ATP6V1A: variants seen among roughly 807,000 people sequenced by gnomAD.
ATP6V1A encodes ATPase H+ transporting V1 subunit A.
Under a neutral mutation model 70.1 loss-of-function variants are expected in ATP6V1A, and 18 were observed. The ratio of observed to expected loss-of-function variants is 0.26; its 90% CI spans 0.18 to 0.38. The LOEUF (loss-of-function observed/expected upper bound fraction) is 0.38, where lower values mean the gene tolerates loss of function less well. Among genes scored for constraint, ATP6V1A ranks in the 10% least tolerant of loss-of-function variants. The pLI is 1.00. For missense variants in ATP6V1A, 424 were observed against 772.4 expected, an observed-to-expected ratio of 0.55 and a Z score of 5.35; for synonymous variants, 232 against 253.8, an observed-to-expected ratio of 0.91 and a Z score of 0.82.
chr3:113,800,043 C>T (rs747700567), intron 12 of ATP6V1A, among the ~76,000 whole-genome samples: 3 of 151,992 alleles, frequency 2.0e-5, no homozygotes, highest in Non-Finnish European at 4.4e-5. Context: ...CCAGCCTGGC[C>T]AGCATGGTGA....
intron 1 of ATP6V1A, among the ~76,000 whole-genome samples, chr3:113,760,101 C>T (rs1196356281): frequency 6.6e-6 from 1 of 152,232 alleles, no homozygotes; most frequent in Non-Finnish European, 1.5e-5. Context: ...CTCCCCACAA[C>T]TAGTTTAGTT....
chr3:113,789,710 CTAA>C lies in ATP6V1A; in HGVS notation c.880-19_880-17del. 1 of 1,526,804 alleles carries C rather than the reference CTAA, an allele frequency of 6.5e-7. No individual in the cohort carries two copies. The highest frequency in any genetic ancestry group is 9.0e-7 in the Non-Finnish European group (1 of 1,105,048). 94.6% of individuals were successfully genotyped at this position (1,526,804 alleles called of 1,614,324 possible). Reference sequence around the variant, plus strand: ...TGTTACCTTAGAAATTGGAGATTCACTAATATATATTTTACCTCTAGCTCACAA... The same window carrying C: ...TGTTACCTTAGAAATTGGAGATTCACTATATATTTTACCTCTAGCTCACAA... On this transcript the variant is annotated intron_variant, in intron 7 of 14. Coordinates refer to ENST00000273398, the MANE Select transcript of ATP6V1A (RefSeq NM_001690.4).
At chr3:113,751,914 T>C (rs934407924) in intron 1 of ATP6V1A, among the ~76,000 whole-genome samples, 1 of 151,882 alleles carries the variant, frequency 6.6e-6, no homozygotes, top group Non-Finnish European at 1.5e-5. Context: ...CAACTGTGAT[T>C]AGCTGTTTTT....
At chr3:113,758,480 A>G (rs1409427071) in intron 1 of ATP6V1A, among the ~76,000 whole-genome samples, 3 of 130,348 alleles carry the variant, frequency 2.3e-5, no homozygotes, top group Admixed American at 7.3e-5. Flanking sequence ...ATTTTCTATC[A>G]TTATAGTTAG....
chr3:113,770,377 G>A (rs1708822240), intron 1 of ATP6V1A, among the ~76,000 whole-genome samples: 1 of 151,254 alleles, frequency 6.6e-6, no homozygotes, highest in South Asian at 2.1e-4. Flanking sequence ...AAATGTTGGA[G>A]AACAACAATA....
chr3:113,803,738 G>A (rs563120471), intron 13 of ATP6V1A, 61 bp downstream of exon 13: 393 of 1,362,510 alleles, frequency 2.9e-4, no homozygotes, highest in Non-Finnish European at 3.9e-4. Flanking sequence ...TGGTGAAGGA[G>A]TACACATTAA....
At position 113,764,251 on chromosome 3, in the gene ATP6V1A, A is replaced by T. The variant is rs1012954428; in HGVS notation, c.-13-14490A>T. On this transcript the variant is annotated intron_variant, in intron 1 of 14. Coordinates refer to ENST00000273398, the MANE Select transcript of ATP6V1A (RefSeq NM_001690.4). ...TTGTCTCAAAAAAAAAAGAAAAAAA[A>T]GTATATTAGCAAAATGTTAATAACA... 9.5e-4 allele frequency among the ~76,000 whole-genome samples: 144 copies of T among 152,246 alleles called. 2 individuals are homozygous for T. Among genetic ancestry groups the T allele is most frequent in the East Asian group, 3.9e-4 (2 of 5,186 alleles).
chr3:113,789,907 T>C (rs1709073819), intron 8 of ATP6V1A, 67 bp downstream of exon 8: 2 of 1,193,724 alleles, frequency 1.7e-6, no homozygotes, highest in African/African-American at 1.5e-5. Flanking sequence ...CACCAAACTT[T>C]TCTAAAGAGC....
intron 8 of ATP6V1A, among the ~76,000 whole-genome samples, chr3:113,790,302 CAAAAAAAAAAAAAA>C (rs773821991): frequency 4.1e-5 from 1 of 24,508 alleles, no homozygotes; most frequent in African/African-American, 1.4e-4. Context: ...GACTCTGTCT[CAAAAAAAAAAAAAA>C]AAAAAAAAAA....
At chr3:113,785,613 G>A (rs952793308) in intron 5 of ATP6V1A, among the ~76,000 whole-genome samples, 4 of 145,740 alleles carry the variant, frequency 2.7e-5, no homozygotes, top group African/African-American at 7.6e-5. Context: ...GGCTCAAGCA[G>A]TTCTATCACC....
rs1050606907 is a variant in ATP6V1A, at chr3:113,811,745, C to T, written c.*2318C>T. 6.6e-6 allele frequency: 1 copy of T among 152,546 alleles called. No homozygotes were observed. Among genetic ancestry groups the T allele is most frequent in the Non-Finnish European group, 1.5e-5 (1 of 68,018 alleles). The allele number at this position is 152,546 out of a possible 1,614,324, so 9.4% of individuals were successfully genotyped here. On this transcript the variant is annotated 3_prime_UTR_variant, in exon 15 of 15. Transcript: ENST00000273398. Reference sequence around the variant, plus strand: ...CTTCACCTGTTACAGAGTTTCAGATCGGTCACTGATAGTATGTATTTCTTT... The same window carrying T: ...CTTCACCTGTTACAGAGTTTCAGATTGGTCACTGATAGTATGTATTTCTTT...
chr3:113,779,041 T>C (rs952918599), intron 2 of ATP6V1A: 26 of 370,090 alleles, frequency 7.0e-5, no homozygotes, highest in Middle Eastern at 7.4e-4. Context: ...TTTATAATTA[T>C]TGAGGTACTA....
chr3:113,765,336 C>G (rs1029844217), intron 1 of ATP6V1A, among the ~76,000 whole-genome samples: 2 of 152,072 alleles, frequency 1.3e-5, no homozygotes, highest in African/African-American at 4.8e-5. Context: ...GAGATGGGGC[C>G]AGGCGTAGTG....
At chr3:113,761,052 C>T (rs1476869498) in intron 1 of ATP6V1A, among the ~76,000 whole-genome samples, 1 of 150,870 alleles carries the variant, frequency 6.6e-6, no homozygotes, top group African/African-American at 2.4e-5. Flanking sequence ...GCCCATAGAG[C>T]GAGACTCTGT....
At chr3:113,773,393 C>G (rs190054500) in intron 1 of ATP6V1A, among the ~76,000 whole-genome samples, 10 of 152,108 alleles carry the variant, frequency 6.6e-5, no homozygotes, top group Admixed American at 2.6e-4. Flanking sequence ...TATGATGTCA[C>G]TTCCTAAAGT....
intron 1 of ATP6V1A, among the ~76,000 whole-genome samples, chr3:113,773,192 C>T (rs567328732): frequency 1.3e-5 from 2 of 152,108 alleles, no homozygotes; most frequent in Admixed American, 1.3e-4. Flanking sequence ...CCCGCCTTGG[C>T]CCCCCAAAGT....
chr3:113,765,734 T>C (rs1360383840), intron 1 of ATP6V1A, among the ~76,000 whole-genome samples: 1 of 150,586 alleles, frequency 6.6e-6, no homozygotes, highest in Non-Finnish European at 1.5e-5. Context: ...TTGGCCAACA[T>C]TGTGAAATCC....
At chr3:113,758,331 A>G (rs553236819) in intron 1 of ATP6V1A, among the ~76,000 whole-genome samples, 16 of 152,332 alleles carry the variant, frequency 1.1e-4, no homozygotes, top group African/African-American at 3.1e-4. Flanking sequence ...GTTTTAATAT[A>G]TGTATACACA....
chr3:113,761,414 G>A (rs1434397912), intron 1 of ATP6V1A, among the ~76,000 whole-genome samples: 1 of 151,118 alleles, frequency 6.6e-6, no homozygotes, highest in Admixed American at 6.6e-5. Flanking sequence ...GCTCAGTAAC[G>A]AGAGTAATAT....
Sources: allele counts gnomAD v4.1 joint callset (sites outside exome capture counted in the v4.1 genomes callset), GRCh38; gene constraint gnomAD v4.1.1; transcripts MANE v1.5; gene names NCBI Gene and HGNC (gene_info 2026-07-23, HGNC 2026-07-21).